Variants in ESR1 observed in about 807,000 individuals in gnomAD.
ESR1 encodes estrogen receptor.
Under a neutral mutation model 52.7 loss-of-function variants are expected in ESR1, and 12 were observed. That is an observed-to-expected ratio of 0.23 (90% CI 0.15 to 0.37). The LOEUF is 0.37. Ranked by LOEUF, ESR1 falls within the 10% of genes least tolerant of loss-of-function variation. The pLI, the probability that ESR1 is intolerant of heterozygous loss-of-function variation, is 1.00. For synonymous variants in ESR1, 305 were observed against 316.8 expected (o/e 0.96, Z 0.39); for missense variants, 584 against 779.7 (o/e 0.75, Z 2.99).
At chr6:152,017,501 G>A (rs946220927) in intron 5 of ESR1, among the ~76,000 whole-genome samples, 1 of 152,134 alleles carries the variant, frequency 6.6e-6, no homozygotes, top group African/African-American at 2.4e-5. Context: ...TATTTTACAA[G>A]AGGAAAGTTA....
In ESR1 at chr6:152,098,980, C is replaced by G. The variant is rs762381407; in HGVS notation, c.*14C>G. ...GCCACGGTCTGAGAGCTCCCTGGCT[C>G]CCACACGGTTCAGATAATCCCTGCT... is the stretch of plus-strand genomic sequence containing the variant. On this transcript the variant is annotated 3_prime_UTR_variant, in exon 8 of 8. Transcript: ENST00000206249. The surrounding 1 kb of genome is among the most constrained non-coding windows in gnomAD (Gnocchi z 5.1). The G allele has an allele frequency of 5.6e-6, 9 of 1,600,254 alleles. No individual in the cohort carries two copies. Among genetic ancestry groups the G allele is most frequent in the Non-Finnish European group, 7.7e-6 (9 of 1,167,610 alleles).
At chr6:152,124,599 C>T (rs1362052154) in intron 6 of ESR1, among the ~76,000 whole-genome samples, 2 of 152,118 alleles carry the variant, frequency 1.3e-5, no homozygotes, top group African/African-American at 4.8e-5. Flanking sequence ...TAAATAATCT[C>T]CCAAGAAGCC....
At chr6:152,108,705 C>T (rs901360639) in intron 6 of ESR1, among the ~76,000 whole-genome samples, 1 of 152,094 alleles carries the variant, frequency 6.6e-6, no homozygotes, top group Non-Finnish European at 1.5e-5. Flanking sequence ...TGGAGTGTGC[C>T]AATGTAGGAA....
intron 2 of ESR1, among the ~76,000 whole-genome samples, chr6:151,848,581 A>T (rs1785642429): frequency 6.6e-6 from 1 of 151,838 alleles, no homozygotes; most frequent in Admixed American, 6.6e-5. Context: ...TTATTTTCAT[A>T]GTTGTGTCTG....
At chr6:151,847,030 G>A (rs985009236) in intron 2 of ESR1, among the ~76,000 whole-genome samples, 10 of 152,194 alleles carry the variant, frequency 6.6e-5, no homozygotes, top group Admixed American at 6.5e-4. Flanking sequence ...CACTAGCTAT[G>A]TTGCCATTTT....
At chr6:151,977,241 C>T (rs948652393) in intron 4 of ESR1, among the ~76,000 whole-genome samples, 19 of 151,908 alleles carry the variant, frequency 1.3e-4, no homozygotes, top group African/African-American at 3.9e-4. Context: ...CACAGAAATC[C>T]GAGGTTCCAA....
intron 4 of ESR1, among the ~76,000 whole-genome samples, chr6:151,981,308 A>G (rs1331079759): frequency 6.6e-6 from 1 of 152,230 alleles, no homozygotes; most frequent in African/African-American, 2.4e-5. Context: ...GGAAAGAAAT[A>G]ATAAAACCAG....
At chr6:151,890,991 C>A (rs373848353) in intron 3 of ESR1, among the ~76,000 whole-genome samples, 1 of 151,938 alleles carries the variant, frequency 6.6e-6, no homozygotes, top group Non-Finnish European at 1.5e-5. Context: ...TGTGATTAGG[C>A]GATTTTCTAT....
intron 4 of ESR1, among the ~76,000 whole-genome samples, chr6:151,956,843 A>ATATATATAT (rs2037003332): frequency 4.5e-5 from 2 of 44,472 alleles, no homozygotes; most frequent in African/African-American, 1.5e-4. Context: ...AATATAAATA[A>ATATATATAT]ATATATATAT....
intron 2 of ESR1, among the ~76,000 whole-genome samples, chr6:151,865,410 T>C (rs1239524961): frequency 6.6e-6 from 1 of 152,148 alleles, no homozygotes; most frequent in East Asian, 1.9e-4. Context: ...ATTGTTTCAT[T>C]GGGTTGTATA....
At chr6:151,977,439 T>C (rs545594504) in intron 4 of ESR1, among the ~76,000 whole-genome samples, 1 of 61,436 alleles carries the variant, frequency 1.6e-5, no homozygotes, top group South Asian at 4.3e-4. Context: ...ATCTGTGTAG[T>C]GCAAAAAAAA....
chr6:152,102,751 T>A lies in ESR1; in HGVS notation c.*3785T>A, dbSNP rs1238177121. 2.3e-5 allele frequency: 5 copies of A among 219,632 alleles called. No homozygotes were observed. Among genetic ancestry groups the A allele is most frequent in the Non-Finnish European group, 3.7e-5 (4 of 109,284 alleles). The allele number at this position is 219,632 out of a possible 1,614,324, so 13.6% of individuals were successfully genotyped here. ...TCAATTTTGCACTGTCTTTTGAGATTCAAGAAAAATTTCTATTCTTTTTTT... is the reference window on the plus strand; with the variant it reads ...TCAATTTTGCACTGTCTTTTGAGATACAAGAAAAATTTCTATTCTTTTTTT... On this transcript the variant is annotated 3_prime_UTR_variant, in exon 8 of 8. Transcript: ENST00000206249.
At chr6:151,781,205 A>T (rs1786508095) in intron 2 of ESR1, among the ~76,000 whole-genome samples, 1 of 152,224 alleles carries the variant, frequency 6.6e-6, no homozygotes, top group South Asian at 2.1e-4. Flanking sequence ...AAGAGAGCAT[A>T]CTTGAGACTG....
intron 2 of ESR1, among the ~76,000 whole-genome samples, chr6:151,847,401 G>T (rs1432891522): frequency 6.6e-6 from 1 of 151,870 alleles, no homozygotes; most frequent in Non-Finnish European, 1.5e-5. Context: ...TCCAGCACCT[G>T]TTGTTTCCTG....
intron 1 of ESR1, among the ~76,000 whole-genome samples, chr6:151,817,565 TCTA>T (rs1779864234): frequency 6.6e-6 from 1 of 152,198 alleles, no homozygotes; most frequent in Non-Finnish European, 1.5e-5. Flanking sequence ...AGCTTTCAAT[TCTA>T]CTCCTCAGCT....
chr6:151,934,587 T>C, intron 3 of ESR1, among the ~76,000 whole-genome samples: 1 of 152,172 alleles, frequency 6.6e-6, no homozygotes, highest in East Asian at 1.9e-4. Context: ...ATGATGAAGA[T>C]GATTTTGAGA....
Position 151,944,241 on chromosome 6 carries a change from A to G in ESR1, c.829A>G (p.Arg277Gly). 1 of 1,614,114 alleles carries G rather than the reference A, an allele frequency of 6.2e-7. No homozygotes were observed. The highest frequency in any genetic ancestry group is 8.5e-7 in the Non-Finnish European group (1 of 1,179,992). Reference protein sequence around the residue: ...HKRQRDDGEGRGEVGSAGDMR... With the variant: ...HKRQRDDGEGGGEVGSAGDMR... ...GCGCCAGAGAGATGATGGGGAGGGC[A>G]GGGGTGAAGTGGGGTCTGCTGGAGA... Residue 277 changes from arginine (R) to glycine (G), a missense_variant, in exon 4 of 8, where the codon AGG becomes GGG. By Grantham distance (125) the Arg-to-Gly change is moderately radical. Around this residue, in one of 6 missense-constraint regions of ESR1, gnomAD observed 88 missense variants for 88.3 expected, o/e 1.00. Coordinates refer to ENST00000206249, the MANE Select transcript of ESR1 (RefSeq NM_000125.4).
chr6:151,666,047 T>C (rs983218087), intron 1 of ESR1, among the ~76,000 whole-genome samples: 16 of 152,198 alleles, frequency 1.1e-4, no homozygotes, highest in Admixed American at 3.3e-4. Flanking sequence ...TCAGAAGAAA[T>C]TGGCTAATTT....
intron 2 of ESR1, among the ~76,000 whole-genome samples, chr6:151,792,630 G>T (rs1284222673): frequency 2.0e-5 from 3 of 151,958 alleles, no homozygotes; most frequent in Non-Finnish European, 4.4e-5. Context: ...TGTAGCGACT[G>T]GGTTCTGCTA....
Sources: allele counts gnomAD v4.1 joint callset (sites outside exome capture counted in the v4.1 genomes callset), GRCh38; gene constraint gnomAD v4.1.1; regional missense constraint gnomAD v4.1.1; non-coding constraint Gnocchi (gnomAD v3.1); transcripts MANE v1.5; gene names NCBI Gene and HGNC (gene_info 2026-07-23, HGNC 2026-07-21).